Variants in SMC6 observed in about 807,000 individuals in gnomAD.
The protein encoded by SMC6 is structural maintenance of chromosomes 6, also known as structural maintenance of chromosomes protein 6.
A neutral mutation model predicts 142.2 loss-of-function variants in SMC6; 79 were observed. The observed-to-expected ratio is 0.56, with a 90% CI of 0.46 to 0.67. The LOEUF (loss-of-function observed/expected upper bound fraction) is 0.67, where lower values mean the gene tolerates loss of function less well. SMC6 is among the 30% of genes least tolerant of loss of function. SMC6 has a pLI of 0.00. For missense variants in SMC6, 1,072 were observed against 1,284.0 expected, an observed-to-expected ratio of 0.83 and a Z score of 2.52; for synonymous variants, 411 against 412.4, an observed-to-expected ratio of 1.00 and a Z score of 0.04.
At position 17,744,940 on chromosome 2, in the gene SMC6, G is replaced by A. The variant is rs944419452; in HGVS notation, c.120+887C>T. 2.5e-4 allele frequency among the ~76,000 whole-genome samples: 38 copies of A among 152,228 alleles called. 1 individual carries two copies. Among genetic ancestry groups the A allele is most frequent in the Admixed American group, 1.0e-3 (16 of 15,276 alleles). ...CTAAAATAAACCCATTAATTATGAC[G>A]TATAATTCTTTTTACATATAGTTGG... On this transcript the variant is annotated intron_variant, in intron 3 of 27. Coordinates refer to ENST00000448223, the MANE Select transcript of SMC6 (RefSeq NM_001142286.2).
Position 17,725,281 on chromosome 2 carries a change from CT to C in SMC6, c.701del (p.Lys234ArgfsTer14). The C allele has an allele frequency of 1.2e-6, 2 of 1,607,676 alleles. No individual in the cohort carries two copies. Among genetic ancestry groups the C allele is most frequent in the Middle Eastern group, 1.7e-4 (1 of 6,024 alleles). ...CCTCTTCTCCTTGATGTATCTGCTC[CT>C]TTGTTCTTTCTTTCGTTTCCATAAT... is the stretch of plus-strand genomic sequence containing the variant. Reference protein sequence around the residue: ...SYIMETKERTKEQIHQGEERL... With the variant: ...SYIMETKERTXEQIHQGEERL... On this transcript the variant is annotated frameshift_variant, in exon 9 of 28. Coordinates refer to ENST00000448223, the MANE Select transcript of SMC6 (RefSeq NM_001142286.2). LOFTEE classifies it high-confidence loss of function.
chr2:17,671,648 T>C (rs1001000132), intron 25 of SMC6, among the ~76,000 whole-genome samples: 1 of 151,188 alleles, frequency 6.6e-6, no homozygotes, highest in Non-Finnish European at 1.5e-5. Context: ...TTTTGTATTG[T>C]ATTTATTTTG....
intron 23 of SMC6, among the ~76,000 whole-genome samples, chr2:17,685,541 T>G (rs554862722): frequency 1.3e-5 from 2 of 152,250 alleles, no homozygotes; most frequent in African/African-American, 4.8e-5. Flanking sequence ...ACTTTTCAAA[T>G]GGCTGCATAG....
intron 20 of SMC6, among the ~76,000 whole-genome samples, chr2:17,701,197 T>C (rs1668254952): frequency 6.6e-6 from 1 of 152,020 alleles, no homozygotes; most frequent in Admixed American, 6.6e-5. Context: ...CTGAGACTTA[T>C]TCCATTTTGC....
Position 17,670,480 on chromosome 2 carries a change from G to A in SMC6, c.3006C>T (p.Ser1002=), listed in dbSNP as rs145251058. Residue 1002 remains serine, a synonymous_variant, in exon 26 of 28, where the codon TCC becomes TCT. Transcript: ENST00000448223. ...AAGGAGATTCTGCGATGGACCACAG[G>A]GAAAGAATAAAACACACTGTGGAGA... ...RSFSTVCFIL[S]LWSIAESPFR... The A allele has an allele frequency of 2.5e-6, 4 of 1,613,268 alleles. No individual in the cohort carries two copies. The African/African-American group carries it at 4.0e-5, about 16-fold the overall frequency.
intron 5 of SMC6, among the ~76,000 whole-genome samples, chr2:17,735,330 T>G (rs746497488): frequency 5.3e-5 from 8 of 151,838 alleles, no homozygotes; most frequent in Non-Finnish European, 1.2e-4. Flanking sequence ...TTGGCTTCTT[T>G]CTCAACTCAG....
intron 16 of SMC6, chr2:17,713,436 A>T: frequency 2.1e-6 from 1 of 469,638 alleles, no homozygotes; most frequent in South Asian, 1.6e-5. Context: ...CCTTTGTCAC[A>T]TGTGTTTCGT....
At chr2:17,734,662 T>C (rs1670059509) in intron 5 of SMC6, among the ~76,000 whole-genome samples, 1 of 152,212 alleles carries the variant, frequency 6.6e-6, no homozygotes, top group Admixed American at 6.5e-5. Flanking sequence ...AGCTACTCCT[T>C]GTATTTAAAC....
intron 16 of SMC6, among the ~76,000 whole-genome samples, chr2:17,710,494 G>T (rs773194246): frequency 1.3e-5 from 2 of 152,166 alleles, no homozygotes; most frequent in Non-Finnish European, 2.9e-5. Context: ...CATGCAATCA[G>T]ATGAGTTCAC....
intron 25 of SMC6, among the ~76,000 whole-genome samples, chr2:17,673,577 T>A (rs1406239694): frequency 6.8e-6 from 1 of 147,432 alleles, no homozygotes; most frequent in Admixed American, 6.7e-5. Flanking sequence ...TTTTTTTAAA[T>A]TTTTTTTTTG....
chr2:17,674,577 A>C (rs1188558362), intron 25 of SMC6, among the ~76,000 whole-genome samples: 1 of 152,162 alleles, frequency 6.6e-6, no homozygotes, highest in Admixed American at 6.5e-5. Context: ...TTTAAATCTT[A>C]TATTGCCTTA....
intron 9 of SMC6, among the ~76,000 whole-genome samples, chr2:17,724,367 T>C (rs981257925): frequency 2.0e-5 from 3 of 152,210 alleles, no homozygotes; most frequent in Non-Finnish European, 4.4e-5. Context: ...ACTTAAAATA[T>C]GTATTCCTCA....
intron 5 of SMC6, 66 bp downstream of exon 5, chr2:17,738,155 G>T: frequency 8.5e-7 from 1 of 1,174,908 alleles, no homozygotes. Flanking sequence ...TATGTGAACT[G>T]GGAATCTAAA....
intron 21 of SMC6, 77 bp from the exon 22 acceptor site, chr2:17,696,503 G>A (rs1667994874): frequency 9.0e-6 from 13 of 1,446,602 alleles, no homozygotes; most frequent in Non-Finnish European, 1.2e-5. Flanking sequence ...AAACAACTCG[G>A]TAAAGTGGCT....
At chr2:17,693,833 T>C (rs1185203911) in intron 23 of SMC6, among the ~76,000 whole-genome samples, 1 of 151,462 alleles carries the variant, frequency 6.6e-6, no homozygotes, top group Non-Finnish European at 1.5e-5. Context: ...CGGTCTCCAC[T>C]AAAAATACAA....
At chr2:17,751,720 C>T (rs922216095) in intron 2 of SMC6, among the ~76,000 whole-genome samples, 6 of 152,204 alleles carry the variant, frequency 3.9e-5, no homozygotes, top group African/African-American at 7.2e-5. Context: ...TAAGCAACTA[C>T]GCTTGACCCT....
At position 17,695,162 on chromosome 2, in the gene SMC6, C is replaced by T. The variant is rs1667930900; in HGVS notation, c.2668G>A (p.Glu890Lys). ...AEHASHGDRE[E>K]IMRQYQEARE... ...CTACCAGCTACTTACCTCATTATTT[C>T]CTCTCGATCTCCATGACTAGCATGT... Residue 890 changes from glutamate (E) to lysine (K), a missense_variant, in exon 23 of 28, where the codon GAA becomes AAA. Transcript: ENST00000448223. The T allele has an allele frequency of 6.2e-7, 1 of 1,613,182 alleles. No individual in the cohort carries two copies. Among genetic ancestry groups the T allele is most frequent in the Non-Finnish European group, 8.5e-7 (1 of 1,179,722 alleles).
intron 24 of SMC6, among the ~76,000 whole-genome samples, chr2:17,682,875 C>G (rs980724743): frequency 8.7e-5 from 11 of 126,260 alleles, no homozygotes; most frequent in Non-Finnish European, 1.2e-4. Context: ...AATATAAGAG[C>G]TAGGTACCTT....
intron 22 of SMC6, among the ~76,000 whole-genome samples, chr2:17,695,513 GTAAC>G (rs1031929433): frequency 6.6e-6 from 1 of 151,926 alleles, no homozygotes; most frequent in African/African-American, 2.4e-5. Context: ...ATTGCTGTGT[GTAAC>G]TAATAAGGTG....
Sources: gnomAD v4.1 joint callset for allele counts (sites outside exome capture counted in the v4.1 genomes callset) on GRCh38, gnomAD v4.1.1 for gene constraint, MANE v1.5 for transcripts, NCBI Gene and HGNC (gene_info 2026-07-23, HGNC 2026-07-21) for gene names.